The following FLNB variants were observed in gnomAD, a reference collection of about 807,000 sequenced individuals.
The protein encoded by FLNB is filamin B.
FLNB carries 111 observed loss-of-function variants against 250.6 expected under a neutral mutation model. The ratio of observed to expected loss-of-function variants is 0.44; its 90% CI spans 0.38 to 0.52. The LOEUF is 0.52. Ranked by LOEUF, FLNB falls within the 20% of genes least tolerant of loss-of-function variation. FLNB has a pLI of 0.00. For missense variants in FLNB, 2,869 were observed against 3,447.8 expected (o/e 0.83, Z 4.20); for synonymous variants, 1,302 against 1,372.1 (o/e 0.95, Z 1.13).
chr3:58,012,703 C>T (rs981793185), intron 1 of FLNB, among the ~76,000 whole-genome samples: 3 of 152,136 alleles, frequency 2.0e-5, no homozygotes, highest in African/African-American at 7.2e-5. Flanking sequence ...GATCAGTTTG[C>T]CTCTTGTGTT....
Position 58,125,664 on chromosome 3 carries a change from C to T in FLNB, c.3982C>T (p.Pro1328Ser), listed in dbSNP as rs765973664. 1.9e-6 allele frequency: 3 copies of T among 1,614,064 alleles called. No individual in the cohort carries two copies. Among genetic ancestry groups the T allele is most frequent in the African/African-American group, 1.3e-5 (1 of 74,928 alleles). Reference protein sequence around the residue: ...FKVAVTEGCQPSRVQAQGPGL... With the variant: ...FKVAVTEGCQSSRVQAQGPGL... The stretch of plus-strand genomic sequence containing the variant: ...GGTGGCTGTCACTGAAGGCTGCCAG[C>T]CATCTAGGGTGCAAGCCCAAGGACC... Residue 1328 changes from proline (P) to serine (S), a missense_variant, in exon 23 of 46, where the codon CCA becomes TCA. Transcript: ENST00000295956.
chr3:58,061,326 G>A (rs920546837), intron 1 of FLNB, among the ~76,000 whole-genome samples: 12 of 152,050 alleles, frequency 7.9e-5, no homozygotes, highest in African/African-American at 2.7e-4. Flanking sequence ...ATTTTCCCAC[G>A]TTAGTACCTA....
chr3:58,109,965 A>G (rs756823253), intron 15 of FLNB, 45 bp from the exon 16 acceptor site: 15 of 1,611,338 alleles, frequency 9.3e-6, no homozygotes, highest in Non-Finnish European at 1.2e-5. Context: ...TGCACAGGAC[A>G]TGCTGTTTCT....
chr3:58,136,026 T>C lies in FLNB; in HGVS notation c.4719T>C (p.Asp1573=), dbSNP rs907361979. Residue 1573 remains aspartate, a synonymous_variant, in exon 28 of 46, where the codon GAT becomes GAC. Transcript: ENST00000295956. ...GAGCCATTGTCCATGACAATAAAGA[T>C]GGCACGTATGCTGTCACCTACATCC... ...PKRAIVHDNK[D]GTYAVTYIPD... The C allele has an allele frequency of 1.6e-5, 26 of 1,614,090 alleles. No homozygotes were observed. In the East Asian group the frequency reaches 5.6e-4, roughly 35 times the overall value.
intron 1 of FLNB, among the ~76,000 whole-genome samples, chr3:58,039,012 AAGTT>A (rs2097142202): frequency 1.3e-5 from 2 of 149,826 alleles, no homozygotes; most frequent in Admixed American, 6.7e-5. Flanking sequence ...GGGTTGCTTG[AAGTT>A]AGTTCCTTTT....
At chr3:58,024,916 T>G (rs1271814344) in intron 1 of FLNB, among the ~76,000 whole-genome samples, 1 of 151,046 alleles carries the variant, frequency 6.6e-6, no homozygotes, top group Admixed American at 6.6e-5. Context: ...TTTCATCATA[T>G]TGGCCAGGAT....
At chr3:58,040,993 G>A (rs1239892341) in intron 1 of FLNB, among the ~76,000 whole-genome samples, 1 of 152,188 alleles carries the variant, frequency 6.6e-6, no homozygotes, top group Non-Finnish European at 1.5e-5. Context: ...ACCATAGTGA[G>A]TGAGTGCTTA....
intron 1 of FLNB, among the ~76,000 whole-genome samples, chr3:58,026,534 G>A (rs2097123865): frequency 6.6e-6 from 1 of 152,238 alleles, no homozygotes; most frequent in East Asian, 1.9e-4. Context: ...CAGCATCAAA[G>A]TCGCTGGGCT....
chr3:58,167,867 C>T (rs1034405153), intron 43 of FLNB, among the ~76,000 whole-genome samples: 5 of 152,232 alleles, frequency 3.3e-5, no homozygotes, highest in African/African-American at 9.6e-5. Context: ...GCCCCGTCAG[C>T]GGGAGCTGCT....
At chr3:58,147,358 A>G (rs1039942230) in intron 34 of FLNB, among the ~76,000 whole-genome samples, 1 of 152,224 alleles carries the variant, frequency 6.6e-6, no homozygotes, top group African/African-American at 2.4e-5. Context: ...ATTTTCTGCT[A>G]TCCCTTTTAC....
rs774510006 is a variant in FLNB, at chr3:58,148,311, C to A, written c.5834C>A (p.Pro1945Gln). Residue 1945 changes from proline (P) to glutamine (Q), a missense_variant, in exon 35 of 46, where the codon CCA (proline) becomes CAA (glutamine). By Grantham distance (76) the Pro-to-Gln change is moderately conservative. Around this residue, in one of 5 missense-constraint regions of FLNB, gnomAD observed 1,084 missense variants for 1,315.5 expected, o/e 0.82. Coordinates refer to ENST00000295956, the MANE Select transcript of FLNB (RefSeq NM_001457.4). ...AGCCTGACGGCCAGCATTAAGGCCC[C>A]ATCTGGCCGAGACGAGCCCTGTCTC... The part of the protein sequence containing the change: ...LSSLTASIKA[P>Q]SGRDEPCLLK... 4 of 1,614,116 alleles carry A rather than the reference C, an allele frequency of 2.5e-6. No individual in the cohort carries two copies. The highest frequency in any genetic ancestry group is 1.1e-5 in the South Asian group (1 of 91,070).
chr3:58,109,798 T>A, intron 15 of FLNB, 99 bp downstream of exon 15: 1 of 1,522,532 alleles, frequency 6.6e-7, no homozygotes, highest in Non-Finnish European at 9.1e-7. Context: ...AAGTAGTCCA[T>A]CTGAATAGGT....
intron 20 of FLNB, among the ~76,000 whole-genome samples, chr3:58,122,193 A>G (rs943543108): frequency 6.7e-6 from 1 of 148,298 alleles, no homozygotes; most frequent in Admixed American, 6.7e-5. Flanking sequence ...AAAAACCACA[A>G]AAAAAAACAT....
At chr3:58,091,979 A>G (rs2097228488) in intron 4 of FLNB, among the ~76,000 whole-genome samples, 1 of 152,236 alleles carries the variant, frequency 6.6e-6, no homozygotes, top group African/African-American at 2.4e-5. Flanking sequence ...TGCAAACCAT[A>G]TGTCCAACAG....
At chr3:58,069,384 G>A in intron 1 of FLNB, among the ~76,000 whole-genome samples, 1 of 151,758 alleles carries the variant, frequency 6.6e-6, no homozygotes, top group Non-Finnish European at 1.5e-5. Context: ...GGATTACAAG[G>A]TGCCCACCGC....
Position 58,123,231 on chromosome 3 carries a change from G to A in FLNB, c.3265G>A (p.Asp1089Asn), listed in dbSNP as rs369045614. ...GTGCGAGGCCAAAATCGAGTGCTCC[G>A]ACAATGGTGATGGGACCTGCTCCGT... ...GPCEAKIECS[D>N]NGDGTCSVSY... The change falls in exon 21 of 46, where the codon GAC becomes AAC. Residue 1089 changes from aspartate to asparagine, a missense_variant. Around this residue, in one of 5 missense-constraint regions of FLNB, gnomAD observed 1,348 missense variants for 1,466.7 expected, o/e 0.92. Coordinates refer to ENST00000295956, the MANE Select transcript of FLNB (RefSeq NM_001457.4). 5.9e-5 allele frequency: 96 copies of A among 1,614,146 alleles called. No individual in the cohort carries two copies. The East Asian group carries it at 6.7e-4, about 11-fold the overall frequency.
chr3:58,050,307 C>A (rs1050862863), intron 1 of FLNB, among the ~76,000 whole-genome samples: 3 of 152,144 alleles, frequency 2.0e-5, no homozygotes, highest in African/African-American at 7.2e-5. Context: ...GGATTACAGG[C>A]GTGAGCCACC....
In FLNB at chr3:58,136,122, C is replaced by T. The variant is rs1575444574; in HGVS notation, c.4815C>T (p.Arg1605=). Reference sequence around the variant, plus strand: ...ACGACATCCCACTTTCTCCTTATCGCATCCGAGCCACACAGACGGGTGATG... The same window carrying T: ...ACGACATCCCACTTTCTCCTTATCGTATCCGAGCCACACAGACGGGTGATG... ...GGDDIPLSPY[R]IRATQTGDAS... The change falls in exon 28 of 46, where the codon CGC becomes CGT. Residue 1605 remains arginine, a synonymous_variant. Coordinates refer to ENST00000295956, the MANE Select transcript of FLNB (RefSeq NM_001457.4). 2 of 1,614,076 alleles carry T rather than the reference C, an allele frequency of 1.2e-6. No individual in the cohort carries two copies. Among genetic ancestry groups the T allele is most frequent in the African/African-American group, 1.3e-5 (1 of 74,938 alleles).
rs1294938766 is a variant in FLNB at position 58,121,265 on chromosome 3, A to G, written c.2888A>G (p.Glu963Gly). The G allele has an allele frequency of 1.2e-6, 2 of 1,613,878 alleles. No homozygotes were observed. Among genetic ancestry groups the G allele is most frequent in the African/African-American group, 1.3e-5 (1 of 74,842 alleles). Residue 963 changes from glutamate to glycine, a missense_variant, in exon 20 of 46, where the codon GAG (glutamate) becomes GGG (glycine). Physicochemically the swap from Glu to Gly is moderately conservative, Grantham distance 98. This residue lies in a region of FLNB where 1,348 missense variants were observed against 1,466.7 expected (regional missense o/e 0.92). Coordinates refer to ENST00000295956, the MANE Select transcript of FLNB (RefSeq NM_001457.4). ...GGGGTGGAAGTTGGGAAGGATCAGG[A>G]GTTCACCGTTGATACCAGGGGGGCA... ...ENRVEVGKDQEFTVDTRGAGG... is the reference protein window; with the variant it reads ...ENRVEVGKDQGFTVDTRGAGG...
Sources: gnomAD v4.1 joint callset for allele counts (sites outside exome capture counted in the v4.1 genomes callset) on GRCh38, gnomAD v4.1.1 for gene constraint, gnomAD v4.1.1 regional missense constraint, MANE v1.5 for transcripts, NCBI Gene and HGNC (gene_info 2026-07-23, HGNC 2026-07-21) for gene names.